Variants in LHFPL6 observed in about 807,000 individuals in gnomAD.
The protein encoded by LHFPL6 is LHFPL tetraspan subfamily member 6 protein.
In LHFPL6, 9 loss-of-function variants were observed where a neutral mutation model predicts 20.6. That is an observed-to-expected ratio of 0.44 (90% CI 0.26 to 0.76). The LOEUF is 0.76. LHFPL6 is among the 30% of genes least tolerant of loss of function. LHFPL6 has a pLI of 0.20. For missense variants in LHFPL6, 218 were observed against 253.5 expected (o/e 0.86, Z 0.95); for synonymous variants, 105 against 98.7 (o/e 1.06, Z -0.38).
chr13:39,375,420 G>T (rs1870263373), intron 3 of LHFPL6, among the ~76,000 whole-genome samples: 1 of 152,140 alleles, frequency 6.6e-6, no homozygotes, highest in Non-Finnish European at 1.5e-5. Flanking sequence ...GCCAGGCAGG[G>T]TGGCTCATGC....
At chr13:39,375,329 T>C (rs1870260182) in intron 3 of LHFPL6, among the ~76,000 whole-genome samples, 1 of 152,212 alleles carries the variant, frequency 6.6e-6, no homozygotes, top group Non-Finnish European at 1.5e-5. Flanking sequence ...ACTAGGTAAC[T>C]GAAGCTCAAC....
intron 2 of LHFPL6, among the ~76,000 whole-genome samples, chr13:39,407,143 A>T (rs1871130540): frequency 1.3e-5 from 2 of 152,180 alleles, no homozygotes; most frequent in African/African-American, 2.4e-5. Flanking sequence ...AGTTGTATTA[A>T]TTCAAATTTA....
chr13:39,602,206 G>T (rs1872974157), intron 1 of LHFPL6, among the ~76,000 whole-genome samples: 1 of 152,068 alleles, frequency 6.6e-6, no homozygotes, highest in South Asian at 2.1e-4. Context: ...CTTTCAAAAA[G>T]AGTTCCTTAA....
At chr13:39,459,092 GACTTCCC>G (rs552137050) in intron 2 of LHFPL6, among the ~76,000 whole-genome samples, 39 of 152,096 alleles carry the variant, frequency 2.6e-4, no homozygotes, top group African/African-American at 9.2e-4. Context: ...CCCATGAAAT[GACTTCCC>G]ACTATGAAGC....
At chr13:39,534,162 G>C (rs568132235) in intron 2 of LHFPL6, among the ~76,000 whole-genome samples, 2 of 152,180 alleles carry the variant, frequency 1.3e-5, no homozygotes, top group African/African-American at 4.8e-5. Context: ...CAATTTGGCA[G>C]TATTTGGAAC....
intron 2 of LHFPL6, among the ~76,000 whole-genome samples, chr13:39,483,484 T>A (rs1868607553): frequency 4.5e-5 from 3 of 67,362 alleles, no homozygotes; most frequent in Non-Finnish European, 7.5e-5. Flanking sequence ...CTCATTACAA[T>A]TTTTTTTTTT....
chr13:39,493,872 C>G (rs1318499445), intron 2 of LHFPL6, among the ~76,000 whole-genome samples: 2 of 152,166 alleles, frequency 1.3e-5, no homozygotes, highest in Admixed American at 1.3e-4. Flanking sequence ...ACAAGTTTCT[C>G]TCTATTTTTA....
chr13:39,597,151 C>G (rs756027921), intron 2 of LHFPL6, among the ~76,000 whole-genome samples: 22 of 152,164 alleles, frequency 1.4e-4, no homozygotes, highest in Non-Finnish European at 2.5e-4. Flanking sequence ...GCATTCCACA[C>G]GCATTTCATA....
intron 2 of LHFPL6, among the ~76,000 whole-genome samples, chr13:39,484,050 A>C (rs1398503700): frequency 2.6e-5 from 4 of 152,130 alleles, no homozygotes; most frequent in Admixed American, 6.6e-5. Flanking sequence ...GGCTCTTCTC[A>C]AATACTCTCT....
intron 2 of LHFPL6, among the ~76,000 whole-genome samples, chr13:39,427,091 G>A (rs1871663819): frequency 6.7e-6 from 1 of 149,090 alleles, no homozygotes; most frequent in African/African-American, 2.5e-5. Context: ...ATATGTGCTT[G>A]TTGATAATAT....
intron 2 of LHFPL6, among the ~76,000 whole-genome samples, chr13:39,589,191 C>G (rs1872535814): frequency 1.3e-5 from 2 of 152,170 alleles, no homozygotes; most frequent in African/African-American, 4.8e-5. Flanking sequence ...ACTGCAGCCT[C>G]TGCCTCCCGG....
chr13:39,506,594 G>A (rs1869492275), intron 2 of LHFPL6, among the ~76,000 whole-genome samples: 1 of 151,818 alleles, frequency 6.6e-6, no homozygotes, highest in African/African-American at 2.4e-5. Context: ...AATTAATAAG[G>A]GCCACCGCCA....
At chr13:39,492,232 T>C (rs1046866796) in intron 2 of LHFPL6, among the ~76,000 whole-genome samples, 1 of 152,222 alleles carries the variant, frequency 6.6e-6, no homozygotes, top group Non-Finnish European at 1.5e-5. Context: ...ATAGCAATTG[T>C]GGGCTGTCTC....
At chr13:39,467,464 C>T (rs73175149) in intron 2 of LHFPL6, among the ~76,000 whole-genome samples, 13,376 of 152,110 alleles carry the variant, frequency 0.088, 1,172 homozygotes, top group East Asian at 0.51. Flanking sequence ...GGCCCTCTGA[C>T]ATGCTGAATT....
At chr13:39,484,541 C>T (rs1253381258) in intron 2 of LHFPL6, among the ~76,000 whole-genome samples, 5 of 152,184 alleles carry the variant, frequency 3.3e-5, no homozygotes, top group South Asian at 2.1e-4. Flanking sequence ...CTTTCCTTTG[C>T]TCCCCTCCCT....
At chr13:39,458,445 C>A (rs1046658270) in intron 2 of LHFPL6, among the ~76,000 whole-genome samples, 31 of 152,086 alleles carry the variant, frequency 2.0e-4, no homozygotes, top group African/African-American at 7.2e-4. Context: ...GCCTGTAATC[C>A]CAGCACTTTG....
At chr13:39,385,359 T>C (rs1004073028) in intron 2 of LHFPL6, among the ~76,000 whole-genome samples, 3 of 152,228 alleles carry the variant, frequency 2.0e-5, no homozygotes, top group African/African-American at 7.2e-5. Context: ...TTAAAATATT[T>C]TAAGACTAAG....
In LHFPL6 at chr13:39,418,725, ACAGAAAC is replaced by A. The variant is rs1429886487; in HGVS notation, c.386-40206_386-40200del. Among the ~76,000 whole-genome samples, 4 of 152,302 alleles carry A rather than the reference ACAGAAAC, an allele frequency of 2.6e-5. No individual in the cohort carries two copies. In the East Asian group the frequency reaches 7.7e-4, roughly 29 times the overall value. On this transcript the variant is annotated intron_variant, in intron 2 of 3. Transcript: ENST00000379589. ...ATAAAATACAATATCTGATTCAGTC[ACAGAAAC>A]CTCACAATATTGTCTTATCTTTGAC...
At chr13:39,354,519 C>T (rs943838615) in intron 3 of LHFPL6, among the ~76,000 whole-genome samples, 10 of 152,142 alleles carry the variant, frequency 6.6e-5, no homozygotes, top group South Asian at 4.1e-4. Flanking sequence ...ACTAGCTCTC[C>T]GGAAATGGTT....
Sources: gnomAD v4.1 joint callset for allele counts (sites outside exome capture counted in the v4.1 genomes callset) on GRCh38, gnomAD v4.1.1 for gene constraint, MANE v1.5 for transcripts, NCBI Gene and HGNC (gene_info 2026-07-23, HGNC 2026-07-21) for gene names.